Variants in SLMAP observed in about 807,000 individuals in gnomAD.
SLMAP encodes sarcolemma associated protein.
SLMAP carries 44 observed loss-of-function variants against 128.8 expected under a neutral mutation model. The ratio of observed to expected loss-of-function variants is 0.34; its 90% CI spans 0.27 to 0.44. The LOEUF (loss-of-function observed/expected upper bound fraction) is 0.44. SLMAP is among the 20% of genes least tolerant of loss of function. SLMAP has a pLI of 1.00. For missense variants in SLMAP, 787 were observed against 985.3 expected (o/e 0.80, Z 2.69); for synonymous variants, 327 against 348.8 (o/e 0.94, Z 0.70).
chr3:57,871,332 G>A (rs575266115), intron 13 of SLMAP, among the ~76,000 whole-genome samples: 101 of 152,072 alleles, frequency 6.6e-4, no homozygotes, highest in Admixed American at 1.0e-3. Context: ...TTATTTAAGG[G>A]TATTTGTTGA....
chr3:57,807,153 G>A (rs145195706), intron 2 of SLMAP, among the ~76,000 whole-genome samples: 11 of 152,202 alleles, frequency 7.2e-5, no homozygotes, highest in Non-Finnish European at 1.2e-4. Flanking sequence ...TGTTGGCCGC[G>A]TAAATGTCTT....
intron 2 of SLMAP, among the ~76,000 whole-genome samples, chr3:57,809,155 G>T (rs911634954): frequency 2.0e-5 from 3 of 152,150 alleles, no homozygotes; most frequent in Non-Finnish European, 4.4e-5. Flanking sequence ...CATGGAGCAG[G>T]CAGGAGCCCA....
chr3:57,812,022 C>T (rs1041274940), intron 2 of SLMAP, among the ~76,000 whole-genome samples: 12 of 152,208 alleles, frequency 7.9e-5, no homozygotes, highest in African/African-American at 2.6e-4. Context: ...CCATTCTGTG[C>T]GTTGCCTTTT....
At chr3:57,791,849 T>C (rs758918877) in intron 2 of SLMAP, among the ~76,000 whole-genome samples, 4 of 152,140 alleles carry the variant, frequency 2.6e-5, no homozygotes, top group Non-Finnish European at 4.4e-5. Context: ...TAATGATCTA[T>C]TAATGATCTC....
chr3:57,831,600 G>C, intron 3 of SLMAP, 70 bp downstream of exon 3: 1 of 1,102,374 alleles, frequency 9.1e-7, no homozygotes, highest in Admixed American at 2.9e-5. Flanking sequence ...TATCTTACTT[G>C]ACATTATGAA....
chr3:57,856,555 G>A (rs2094800518), intron 6 of SLMAP, among the ~76,000 whole-genome samples: 1 of 152,080 alleles, frequency 6.6e-6, no homozygotes. Context: ...ATATCCCACT[G>A]AAAGGTCTTC....
chr3:57,797,761 C>T (rs1271347875), intron 2 of SLMAP, among the ~76,000 whole-genome samples: 1 of 151,990 alleles, frequency 6.6e-6, no homozygotes, highest in Non-Finnish European at 1.5e-5. Flanking sequence ...AGTTAGAAAC[C>T]TTGGATTAAT....
At chr3:57,786,536 A>G (rs559166735) in intron 2 of SLMAP, among the ~76,000 whole-genome samples, 2 of 151,704 alleles carry the variant, frequency 1.3e-5, no homozygotes, top group Non-Finnish European at 2.9e-5. Flanking sequence ...CAACTTCCCA[A>G]GTGAAAATTA....
chr3:57,917,551 A>C, intron 22 of SLMAP: 2 of 159,162 alleles, frequency 1.3e-5, no homozygotes, highest in African/African-American at 2.4e-5. Flanking sequence ...TCTTCCTCCC[A>C]CCCCCTTTTC....
At chr3:57,920,377 A>T (rs182989498) in intron 22 of SLMAP, among the ~76,000 whole-genome samples, 1 of 152,154 alleles carries the variant, frequency 6.6e-6, no homozygotes, top group African/African-American at 2.4e-5. Flanking sequence ...CTCTGTACCT[A>T]TATCTTTCTT....
chr3:57,836,675 G>C (rs2093656351), intron 3 of SLMAP, among the ~76,000 whole-genome samples: 1 of 152,106 alleles, frequency 6.6e-6, no homozygotes, highest in South Asian at 2.1e-4. Context: ...CTTTGTGTAT[G>C]GCTTCAAGGA....
chr3:57,854,537 G>C (rs892809601), intron 6 of SLMAP, among the ~76,000 whole-genome samples: 1 of 152,170 alleles, frequency 6.6e-6, no homozygotes, highest in Non-Finnish European at 1.5e-5. Flanking sequence ...GGTGGAGGTT[G>C]CAGTGAGCCA....
intron 2 of SLMAP, among the ~76,000 whole-genome samples, chr3:57,795,534 G>A (rs911206855): frequency 3.3e-5 from 5 of 151,978 alleles, no homozygotes; most frequent in African/African-American, 7.3e-5. Flanking sequence ...GAGAGACTGC[G>A]TCTCAGAAAA....
chr3:57,892,172 T>G (rs1285941905), intron 15 of SLMAP, among the ~76,000 whole-genome samples: 3 of 152,208 alleles, frequency 2.0e-5, no homozygotes, highest in Non-Finnish European at 4.4e-5. Context: ...CTGAAATAAG[T>G]TACATTTTAA....
chr3:57,861,488 G>T (rs985570704), intron 9 of SLMAP, among the ~76,000 whole-genome samples: 1 of 152,160 alleles, frequency 6.6e-6, no homozygotes, highest in Admixed American at 6.6e-5. Context: ...GGTATAGTTT[G>T]TATTGCTACC....
At chr3:57,775,509 CAAAAAAAAAAA>C (rs1009755128) in intron 2 of SLMAP, among the ~76,000 whole-genome samples, 1,315 of 21,176 alleles carry the variant, frequency 0.062, 15 homozygotes, top group African/African-American at 0.13. Context: ...CCTGTTGGTA[CAAAAAAAAAAA>C]AAAAAAAAAA....
In SLMAP at chr3:57,825,500, C is replaced by CTT. The variant is rs539901060; in HGVS notation, c.199-5868_199-5867dup. Among the ~76,000 whole-genome samples, 496 of 106,558 alleles carry CTT rather than the reference C, an allele frequency of 4.7e-3. 4 individuals are homozygous for CTT. Among genetic ancestry groups the CTT allele is most frequent in the African/African-American group, 0.016 (463 of 28,602 alleles). The allele number at this position is 106,558 out of a possible 152,430, so 69.9% of individuals were successfully genotyped here. On this transcript the variant is annotated intron_variant, in intron 2 of 24. Transcript: ENST00000671191. ...CTGCATTGAGATGATTGTGTGTTTTCTTTTTTTTTTTTTTTTCATTTTCTA... is the reference window on the plus strand; with the variant it reads ...CTGCATTGAGATGATTGTGTGTTTTCTTTTTTTTTTTTTTTTTTCATTTTCTA...
chr3:57,786,932 T>C (rs772131687), intron 2 of SLMAP, among the ~76,000 whole-genome samples: 4 of 152,010 alleles, frequency 2.6e-5, no homozygotes, highest in South Asian at 4.2e-4. Flanking sequence ...GAGATGGGGT[T>C]TCACCATGTT....
intron 23 of SLMAP, among the ~76,000 whole-genome samples, chr3:57,925,000 G>A (rs113648416): frequency 0.014 from 2,094 of 149,840 alleles, 58 homozygotes; most frequent in African/African-American, 0.049. Flanking sequence ...TGTCACCCAG[G>A]CTGGAGTGCA....
Sources: allele counts gnomAD v4.1 joint callset (sites outside exome capture counted in the v4.1 genomes callset), GRCh38; gene constraint gnomAD v4.1.1; transcripts MANE v1.5; gene names NCBI Gene and HGNC (gene_info 2026-07-23, HGNC 2026-07-21).